The following ARHGEF3 variants were observed in gnomAD, a reference collection of about 807,000 sequenced individuals.
ARHGEF3 encodes 59.8 kDA protein.
ARHGEF3 carries 28 observed loss-of-function variants against 63.2 expected under a neutral mutation model. The ratio of observed to expected loss-of-function variants is 0.44; its 90% confidence interval spans 0.33 to 0.61. The LOEUF (loss-of-function observed/expected upper bound fraction) is 0.61, where lower values mean the gene tolerates loss of function less well. Ranked by LOEUF, ARHGEF3 falls within the 20% of genes least tolerant of loss-of-function variation. The pLI is 0.03. For synonymous variants in ARHGEF3, 266 were observed against 254.2 expected (o/e 1.05, Z -0.44); for missense variants, 533 against 659.3 (o/e 0.81, Z 2.10).
intron 4 of ARHGEF3, among the ~76,000 whole-genome samples, chr3:56,878,193 C>T (rs536540274): frequency 1.3e-5 from 2 of 152,280 alleles, no homozygotes; most frequent in East Asian, 3.9e-4. Context: ...CCTGTGGTGA[C>T]ATGAGCTACA....
intron 2 of ARHGEF3, among the ~76,000 whole-genome samples, chr3:57,024,199 C>G (rs10866007): frequency 0.34 from 51,974 of 151,518 alleles, 9,363 homozygotes; most frequent in African/African-American, 0.45. Flanking sequence ...CAGAAATCTT[C>G]TTTCCTGCCT....
chr3:56,860,453 C>T (rs1029798105), intron 4 of ARHGEF3, among the ~76,000 whole-genome samples: 1 of 152,164 alleles, frequency 6.6e-6, no homozygotes, highest in Non-Finnish European at 1.5e-5. Context: ...AAAGTGTGAG[C>T]CACTGTGTCT....
At chr3:56,993,702 CT>C (rs1191027209) in intron 2 of ARHGEF3, among the ~76,000 whole-genome samples, 1 of 151,698 alleles carries the variant, frequency 6.6e-6, no homozygotes, top group Non-Finnish European at 1.5e-5. Context: ...CTTAACCTTC[CT>C]GAGGTTCAGT....
chr3:56,881,642 T>C (rs754509686), intron 4 of ARHGEF3, among the ~76,000 whole-genome samples: 4 of 152,156 alleles, frequency 2.6e-5, no homozygotes, highest in Non-Finnish European at 4.4e-5. Flanking sequence ...AACTTCTGAT[T>C]TAAAAAGAAA....
At chr3:56,791,203 G>A (rs562327649) in intron 1 of ARHGEF3, among the ~76,000 whole-genome samples, 14 of 152,184 alleles carry the variant, frequency 9.2e-5, no homozygotes, top group South Asian at 8.3e-4. Context: ...CGGAGTTCGA[G>A]ACCAGTCTGG....
chr3:56,743,190 G>A (rs2034153644), intron 7 of ARHGEF3, among the ~76,000 whole-genome samples: 2 of 152,228 alleles, frequency 1.3e-5, no homozygotes, highest in South Asian at 4.1e-4. Context: ...GCTGGACTGG[G>A]GGCCTGATCT....
In ARHGEF3 at chr3:56,992,036, G is replaced by C. The variant is rs1024878055; in HGVS notation, c.63-33147C>G. The stretch of plus-strand genomic sequence containing the variant: ...TCCCCTCCTCTCTCTGTGTGTGTGT[G>C]TGTGTGTGTGTGTGTGTGTGTGTGT... On this transcript the variant is annotated intron_variant, in intron 2 of 12. Coordinates refer to the ARHGEF3 transcript ENST00000338458. Among the ~76,000 whole-genome samples, 58 of 146,760 alleles carry C rather than the reference G, an allele frequency of 4.0e-4. 1 individual carries two copies. Among genetic ancestry groups the C allele is most frequent in the African/African-American group, 1.3e-3 (47 of 37,586 alleles).
At chr3:56,770,296 G>A (rs1400679890) in intron 2 of ARHGEF3, among the ~76,000 whole-genome samples, 2 of 152,120 alleles carry the variant, frequency 1.3e-5, no homozygotes, top group Admixed American at 1.3e-4. Context: ...TGTAATCCCA[G>A]CTACTCGGGA....
At chr3:56,992,994 T>G (rs893677078) in intron 2 of ARHGEF3, among the ~76,000 whole-genome samples, 5 of 152,050 alleles carry the variant, frequency 3.3e-5, no homozygotes, top group African/African-American at 1.2e-4. Flanking sequence ...CCGCCATGCC[T>G]GGCTGATTTT....
chr3:57,072,229 G>C (rs573791748), intron 1 of ARHGEF3, among the ~76,000 whole-genome samples: 3 of 152,126 alleles, frequency 2.0e-5, no homozygotes, highest in Non-Finnish European at 4.4e-5. Flanking sequence ...AAAATGTTAA[G>C]AGTTACCATA....
intron 2 of ARHGEF3, among the ~76,000 whole-genome samples, chr3:57,010,497 T>G (rs1702653259): frequency 6.6e-6 from 1 of 151,182 alleles, no homozygotes; most frequent in South Asian, 2.1e-4. Context: ...TTTATTTACA[T>G]GTGCACTCCT....
intron 3 of ARHGEF3, among the ~76,000 whole-genome samples, chr3:56,906,836 C>CAA (rs573382270): frequency 0.012 from 1,192 of 96,774 alleles, 15 homozygotes; most frequent in African/African-American, 0.044. Context: ...GACTCTGTCT[C>CAA]AAAAAAAAAA....
chr3:57,070,985 AAAG>A (rs1377041200), intron 1 of ARHGEF3, among the ~76,000 whole-genome samples: 2 of 124,646 alleles, frequency 1.6e-5, no homozygotes, highest in African/African-American at 5.7e-5. Flanking sequence ...AAAAAAAAAA[AAAG>A]AAAGAAAGAA....
intron 1 of ARHGEF3, among the ~76,000 whole-genome samples, chr3:57,060,979 T>C (rs1475897140): frequency 1.3e-5 from 2 of 152,206 alleles, no homozygotes; most frequent in Non-Finnish European, 2.9e-5. Flanking sequence ...TGGTAAAATA[T>C]AATATAAAAC....
At chr3:57,014,507 A>G (rs898531651) in intron 2 of ARHGEF3, among the ~76,000 whole-genome samples, 3 of 152,096 alleles carry the variant, frequency 2.0e-5, no homozygotes, top group African/African-American at 7.3e-5. Context: ...ATGCGTACCA[A>G]TGCAAGAAGG....
At chr3:56,795,529 G>A (rs926861882) in intron 1 of ARHGEF3, among the ~76,000 whole-genome samples, 1 of 152,066 alleles carries the variant, frequency 6.6e-6, no homozygotes, top group African/African-American at 2.4e-5. Flanking sequence ...TCTCTCAAAA[G>A]GACACAATGG....
At chr3:56,762,333 G>A (rs995848982) in intron 2 of ARHGEF3, among the ~76,000 whole-genome samples, 2 of 152,130 alleles carry the variant, frequency 1.3e-5, no homozygotes, top group Non-Finnish European at 2.9e-5. Context: ...TAGCAAATGA[G>A]TCAAAAACTG....
intron 4 of ARHGEF3, among the ~76,000 whole-genome samples, chr3:56,752,022 T>G (rs545972707): frequency 1.3e-4 from 20 of 152,214 alleles, no homozygotes; most frequent in Non-Finnish European, 2.9e-4. Flanking sequence ...TATTTTCTAG[T>G]TTATATTTTA....
At chr3:56,907,231 T>G (rs2041715768) in intron 3 of ARHGEF3, among the ~76,000 whole-genome samples, 1 of 152,154 alleles carries the variant, frequency 6.6e-6, no homozygotes, top group Non-Finnish European at 1.5e-5. Context: ...TCCACCCGCC[T>G]CAGTCTCTTA....
Sources: allele counts gnomAD v4.1 joint callset (sites outside exome capture counted in the v4.1 genomes callset), GRCh38; gene constraint gnomAD v4.1.1; transcripts MANE v1.5; gene names NCBI Gene and HGNC (gene_info 2026-07-23, HGNC 2026-07-21).